Variants in RRP12 observed in about 807,000 individuals in gnomAD.
RRP12 encodes ribosomal RNA processing 12 homolog.
In RRP12, 78 loss-of-function variants were observed where a neutral mutation model predicts 157.3. That is an observed-to-expected ratio of 0.50 (90% CI 0.41 to 0.60). The LOEUF is 0.60. RRP12 is among the 20% of genes least tolerant of loss of function. RRP12 has a pLI of 0.00. For missense variants in RRP12, 1,521 were observed against 1,679.9 expected, an observed-to-expected ratio of 0.91 and a Z score of 1.65; for synonymous variants, 726 against 670.9, an observed-to-expected ratio of 1.08 and a Z score of -1.27.
chr10:97,386,302 G>A lies in RRP12; in HGVS notation c.1018-309C>T, dbSNP rs114746829. ...TTTTTTTGAGACAGAATCTTGCTCC[G>A]TTGCTGGATACAGGGGTGAGACCAA... On this transcript the variant is annotated intron_variant, in intron 8 of 33. Transcript: ENST00000370992. Among the ~76,000 whole-genome samples the A allele has an allele frequency of 8.8e-3, 1,234 of 139,646 alleles. 21 individuals are homozygous for A. The highest frequency in any genetic ancestry group is 0.031 in the African/African-American group (1,141 of 36,990). The allele number at this position is 139,646 out of a possible 152,430, so 91.6% of individuals were successfully genotyped here.
At chr10:97,375,599 A>T (rs950381016) in intron 15 of RRP12, among the ~76,000 whole-genome samples, 1 of 152,228 alleles carries the variant, frequency 6.6e-6, no homozygotes, top group African/African-American at 2.4e-5. Flanking sequence ...AATACATAAC[A>T]TCAGCCTTAA....
chr10:97,397,445 A>T (rs1844998716), intron 2 of RRP12, among the ~76,000 whole-genome samples: 2 of 152,184 alleles, frequency 1.3e-5, no homozygotes, highest in African/African-American at 4.8e-5. Flanking sequence ...TACAGGCGTG[A>T]GCCACCTCGC....
Position 97,390,862 on chromosome 10 carries a change from G to C in RRP12, c.531-18C>G. On this transcript the variant is annotated intron_variant, in intron 4 of 33. Transcript: ENST00000370992. ...TGGGAACACTGTGGGAAAGAACAGA[G>C]ATGGTCACCCCAGAGGGTCCCTGAA... 6.5e-7 allele frequency: 1 copy of C among 1,533,720 alleles called. No individual in the cohort carries two copies. The highest frequency in any genetic ancestry group is 9.0e-7 in the Non-Finnish European group (1 of 1,106,816).
chr10:97,388,771 G>T (rs1844712232), intron 6 of RRP12, 147 bp from the exon 7 acceptor site: 2 of 951,670 alleles, frequency 2.1e-6, no homozygotes, highest in Non-Finnish European at 3.1e-6. Flanking sequence ...CTACACCAGG[G>T]CCTTCATGTG....
chr10:97,372,238 T>C, intron 19 of RRP12, 72 bp from the exon 20 acceptor site: 2 of 1,198,370 alleles, frequency 1.7e-6, no homozygotes, highest in Admixed American at 1.9e-5. Flanking sequence ...TGTTCTTACG[T>C]CTACTGGGTA....
chr10:97,372,033 C>A, intron 20 of RRP12, 40 bp downstream of exon 20: 1 of 1,449,362 alleles, frequency 6.9e-7, no homozygotes, highest in Non-Finnish European at 9.6e-7. Flanking sequence ...CATCTGCCCC[C>A]AAGCGTGGCT....
At chr10:97,370,427 T>A in intron 23 of RRP12, 28 bp downstream of exon 23, 1 of 1,512,562 alleles carries the variant, frequency 6.6e-7, no homozygotes, top group Non-Finnish European at 9.0e-7. Flanking sequence ...ATGAGCAGAG[T>A]GTCCACCCCC....
At chr10:97,370,357 A>T in intron 23 of RRP12, 83 bp from the exon 24 acceptor site, 1 of 1,353,004 alleles carries the variant, frequency 7.4e-7, no homozygotes, top group Non-Finnish European at 1.0e-6. Flanking sequence ...CAGCCTGCCC[A>T]GGGCCAGGGC....
Position 97,373,088 on chromosome 10 carries a change from C to T in RRP12, c.2139G>A (p.Val713=). 1 of 1,614,024 alleles carries T rather than the reference C, an allele frequency of 6.2e-7. No homozygotes were observed. The highest frequency in any genetic ancestry group is 8.5e-7 in the Non-Finnish European group (1 of 1,179,926). Residue 713 remains valine (V), a synonymous_variant, in exon 18 of 34, where the codon GTG becomes GTA. Coordinates refer to ENST00000370992, the MANE Select transcript of RRP12 (RefSeq NM_015179.4). ...AGDTPAPRRA[V]LETIRTYLTI... is the part of the protein sequence containing the mutation. ...TGAGGTAAGTTCTGATGGTTTCCAG[C>T]ACAGCCCGGCGAGGGGCTGGAGTGT...
intron 9 of RRP12, 53 bp from the exon 10 acceptor site, chr10:97,385,310 GTGA>G (rs1214749967): frequency 1.5e-6 from 2 of 1,362,936 alleles, no homozygotes; most frequent in East Asian, 4.6e-5. Context: ...CAATAGCCCA[GTGA>G]TGATGACCCC....
chr10:97,382,518 C>T (rs1038194173), intron 10 of RRP12, among the ~76,000 whole-genome samples: 4 of 152,182 alleles, frequency 2.6e-5, no homozygotes, highest in Non-Finnish European at 4.4e-5. Context: ...CTTGTAACAA[C>T]TAATGAGATA....
Position 97,371,051 on chromosome 10 carries a change from A to C in RRP12, c.2374T>G (p.Tyr792Asp), listed in dbSNP as rs1259057454. The change falls in exon 21 of 34, where the codon TAC (tyrosine) becomes GAC (aspartate). Residue 792 changes from tyrosine to aspartate, a missense_variant. Tyr to Asp is a radical substitution (Grantham distance 160, BLOSUM62 -3). Coordinates refer to ENST00000370992, the MANE Select transcript of RRP12 (RefSeq NM_015179.4). ...SKAHGVQKKAYRVLEEVCASP... is the reference protein window; with the variant it reads ...SKAHGVQKKADRVLEEVCASP... The stretch of plus-strand genomic sequence containing the variant: ...GCACACACCTCCTCCAGCACTCGGT[A>C]GGCCTTCTTCTGCACCCCGTGGGCC... 1.2e-6 allele frequency: 2 copies of C among 1,613,662 alleles called. No individual in the cohort carries two copies. Among genetic ancestry groups the C allele is most frequent in the African/African-American group, 2.7e-5 (2 of 74,892 alleles).
intron 25 of RRP12, among the ~76,000 whole-genome samples, chr10:97,367,789 T>C (rs1041538117): frequency 6.6e-6 from 1 of 152,212 alleles, no homozygotes; most frequent in Non-Finnish European, 1.5e-5. Flanking sequence ...TGGAGTGCAA[T>C]GGCACGATCT....
intron 30 of RRP12, among the ~76,000 whole-genome samples, chr10:97,361,323 C>G (rs763838741): frequency 6.6e-6 from 1 of 152,218 alleles, no homozygotes; most frequent in Non-Finnish European, 1.5e-5. Flanking sequence ...GCGGCCCCAG[C>G]CCATCAGATG....
In RRP12 at chr10:97,393,684, C is replaced by T. The variant is rs201228356; in HGVS notation, c.530G>A (p.Arg177His). 2.5e-5 allele frequency: 41 copies of T among 1,613,752 alleles called. No individual in the cohort carries two copies. Among genetic ancestry groups the T allele is most frequent in the East Asian group, 2.2e-4 (10 of 44,860 alleles). Reference protein sequence around the residue: ...VAYLLNLVLKRVPSPVLIKKF... With the variant: ...VAYLLNLVLKHVPSPVLIKKF... ...GGTTCAAACAGGAGGCAGAACTCAC[C>T]GCTTCAGGACAAGGTTCAGCAGGTA... Residue 177 changes from arginine to histidine, a missense_variant and splice_region_variant, in exon 4 of 34, where the codon CGT (arginine) becomes CAT (histidine). By Grantham distance (29) the Arg-to-His change is conservative. Coordinates refer to ENST00000370992, the MANE Select transcript of RRP12 (RefSeq NM_015179.4).
At chr10:97,375,955 T>G (rs978082250) in intron 15 of RRP12, among the ~76,000 whole-genome samples, 1 of 151,786 alleles carries the variant, frequency 6.6e-6, no homozygotes, top group African/African-American at 2.4e-5. Flanking sequence ...AATAAAAAAA[T>G]TAGCGAGGGG....
rs371864342 is a variant in RRP12 at position 97,388,476 on chromosome 10, T to A, written c.889+13A>T. On this transcript the variant is annotated intron_variant, in intron 7 of 33. Coordinates refer to ENST00000370992, the MANE Select transcript of RRP12 (RefSeq NM_015179.4). ...TGCCTCCCATCCACCTGCCCTCCAT[T>A]TGGGTTCCCCACCTCCAGACTTCTC... 42 of 1,613,918 alleles carry A rather than the reference T, an allele frequency of 2.6e-5. No individual in the cohort carries two copies. In the African/African-American group the frequency reaches 5.6e-4, roughly 22 times the overall value.
intron 33 of RRP12, among the ~76,000 whole-genome samples, chr10:97,357,962 CAAAA>C (rs1210048572): frequency 1.0e-4 from 8 of 77,760 alleles, no homozygotes; most frequent in Non-Finnish European, 1.9e-4. Flanking sequence ...GACTCCGTCT[CAAAA>C]AAAAAAAAAA....
chr10:97,366,580 T>C lies in RRP12; in HGVS notation c.3257A>G (p.Asn1086Ser), dbSNP rs776832580. 101 of 1,613,946 alleles carry C rather than the reference T, an allele frequency of 6.3e-5. No individual in the cohort carries two copies. The highest frequency in any genetic ancestry group is 8.0e-5 in the Non-Finnish European group (94 of 1,180,030). The stretch of plus-strand genomic sequence containing the variant: ...GCCTCGGCTTCTTTCCTCCTCCTCA[T>C]TGTCCTCCTCGTCCTCTGAGTCAGC... ...ILADSEDEED[N>S]EEEERSRGKE... is the part of the protein sequence containing the mutation. Residue 1086 changes from asparagine to serine, a missense_variant, in exon 28 of 34, where the codon AAT becomes AGT. By Grantham distance (46) the Asn-to-Ser change is conservative. Transcript: ENST00000370992.
Sources: gnomAD v4.1 joint callset for allele counts (sites outside exome capture counted in the v4.1 genomes callset) on GRCh38, gnomAD v4.1.1 for gene constraint, MANE v1.5 for transcripts, NCBI Gene and HGNC (gene_info 2026-07-23, HGNC 2026-07-21) for gene names.